Variants in CUL4B observed in about 807,000 individuals in gnomAD.
The protein encoded by CUL4B is cullin 4B.
CUL4B carries 1 observed loss-of-function variant against 69.2 expected under a neutral mutation model. The ratio of observed to expected loss-of-function variants is 0.01; its 90% confidence interval spans 0.01 to 0.07. The LOEUF is 0.07. CUL4B is among the 10% of genes least tolerant of loss of function. CUL4B has a pLI of 1.00. For missense variants in CUL4B, 328 were observed against 638.8 expected (o/e 0.51, Z 5.24); for synonymous variants, 237 against 223.2 (o/e 1.06, Z -0.55).
intron 2 of CUL4B, among the ~76,000 whole-genome samples, chrX:120,555,361 C>G (rs991900609): frequency 1.3e-4 from 14 of 111,665 alleles, no homozygotes; most frequent in African/African-American, 4.6e-4. Flanking sequence ...ACCAGCATAT[C>G]CAAATAAACA....
chrX:120,534,646 C>T, intron 16 of CUL4B, 60 bp from the exon 17 acceptor site: 1 of 766,964 alleles, frequency 1.3e-6, no homozygotes, highest in South Asian at 2.1e-5. Context: ...AAAAATTAAT[C>T]ATCTCTTATA....
At chrX:120,548,685 T>G (rs777009193) in intron 2 of CUL4B, among the ~76,000 whole-genome samples, 1 of 109,271 alleles carries the variant, frequency 9.2e-6, no homozygotes, top group Non-Finnish European at 1.9e-5. Context: ...AATACAAAAA[T>G]TAGCCGGACA....
chrX:120,541,148 G>A (rs957370857), intron 10 of CUL4B, among the ~76,000 whole-genome samples: 1 of 112,338 alleles, frequency 8.9e-6, no homozygotes. Flanking sequence ...ACCATTCTCA[G>A]GTTGACTGTT....
In CUL4B at chrX:120,526,704, A is replaced by T; in HGVS notation, c.*57T>A. ...AGGAGTCAAATAATATTGAATCAACAGGTTAGTTTATCCACTGGCTACTGC... is the reference window on the plus strand; with the variant it reads ...AGGAGTCAAATAATATTGAATCAACTGGTTAGTTTATCCACTGGCTACTGC... On this transcript the variant is annotated 3_prime_UTR_variant, in exon 20 of 20. Transcript: ENST00000371322. 1.4e-6 allele frequency: 1 copy of T among 731,828 alleles called. No homozygotes were observed. Among genetic ancestry groups the T allele is most frequent in the Non-Finnish European group, 2.1e-6 (1 of 468,209 alleles). The allele number at this position is 731,828 out of a possible 1,213,427, so 60.3% of individuals were successfully genotyped here.
Position 120,540,569 on chromosome X carries a change from C to CA in CUL4B, c.1444-8dup. The CA allele has an allele frequency of 8.6e-7, 1 of 1,163,460 alleles. No individual in the cohort carries two copies. Among genetic ancestry groups the CA allele is most frequent in the Admixed American group, 2.2e-5 (1 of 44,624 alleles). ...CAATAGTGCTGCCAAATGCCTAAAA[C>CA]AAAAAATTACCACTTTTTACTGTAA... is the stretch of plus-strand genomic sequence containing the variant. On this transcript the variant is annotated splice_region_variant and splice_polypyrimidine_tract_variant and intron_variant, in intron 10 of 19. Transcript: ENST00000371322.
Position 120,560,666 on chromosome X carries a change from A to T in CUL4B, c.-28T>A. 2.5e-6 allele frequency: 3 copies of T among 1,195,916 alleles called. No homozygotes were observed. The highest frequency in any genetic ancestry group is 2.2e-6 in the Non-Finnish European group (2 of 893,515). On this transcript the variant is annotated 5_prime_UTR_variant, in exon 1 of 20. Coordinates refer to ENST00000371322, the MANE Select transcript of CUL4B (RefSeq NM_001079872.2). ...AAATAGCGGGGTCAACAGGCAGAGG[A>T]GCATCAAAAACCTACGTTTATATGC...
chrX:120,563,391 C>T (rs147988164), upstream of CUL4B, among the ~76,000 whole-genome samples: 608 of 111,408 alleles, frequency 5.5e-3, 3 homozygotes, highest in African/African-American at 0.019. Flanking sequence ...TGTATCACTA[C>T]GCCTGCTAAT....
intron 15 of CUL4B, 135 bp downstream of exon 15, chrX:120,536,792 T>G (rs1923700481): frequency 2.1e-6 from 1 of 483,642 alleles, no homozygotes; most frequent in Non-Finnish European, 3.6e-6. Flanking sequence ...AGCCCAAGAG[T>G]TCAAGACCAG....
chrX:120,560,394 G>A lies in CUL4B; in HGVS notation c.245C>T (p.Ser82Phe). The A allele has an allele frequency of 1.7e-6, 2 of 1,208,602 alleles. No homozygotes were observed. The highest frequency in any genetic ancestry group is 2.2e-6 in the Non-Finnish European group (2 of 893,500). ...PRDSASPSTS[S>F]FCLGVSVAAS... ...AGCCACTGAAACCCCCAGGCAGAAG[G>A]ACGAGGTTGAAGGGGATGCCGAATC... The change falls in exon 1 of 20, where the codon TCC (serine) becomes TTC (phenylalanine). Residue 82 changes from serine (S) to phenylalanine (F), a missense_variant. Around this residue, in one of 4 missense-constraint regions of CUL4B, gnomAD observed 102 missense variants for 122.1 expected, o/e 0.84. Transcript: ENST00000371322.
At position 120,560,705 on chromosome X, in the gene CUL4B, G is replaced by A. The variant is rs776907324; in HGVS notation, c.-67C>T. 5.1e-6 allele frequency: 6 copies of A among 1,170,108 alleles called. No homozygotes were observed. The highest frequency in any genetic ancestry group is 6.8e-6 in the Non-Finnish European group (6 of 878,611). On this transcript the variant is annotated 5_prime_UTR_variant, in exon 1 of 20. Coordinates refer to ENST00000371322, the MANE Select transcript of CUL4B (RefSeq NM_001079872.2). ...ACGTTTATATGCCTGCGTGCGTGTAGGAGAGAAGGTAGCAATGCTAGAGGG... is the reference window on the plus strand; with the variant it reads ...ACGTTTATATGCCTGCGTGCGTGTAAGAGAGAAGGTAGCAATGCTAGAGGG...
chrX:120,541,782 G>C, intron 9 of CUL4B, 62 bp from the exon 10 acceptor site: 1 of 710,674 alleles, frequency 1.4e-6, no homozygotes, highest in Non-Finnish European at 2.3e-6. Flanking sequence ...AAGATTATCA[G>C]ACATTTTAAT....
intron 6 of CUL4B, 53 bp from the exon 7 acceptor site, chrX:120,544,256 A>G (rs905006914): frequency 2.0e-5 from 18 of 883,092 alleles, no homozygotes; most frequent in Non-Finnish European, 2.8e-5. Context: ...TATTTACTAA[A>G]TGTCCTCTAT....
chrX:120,554,351 C>T (rs1490434962), intron 2 of CUL4B, among the ~76,000 whole-genome samples: 1 of 111,883 alleles, frequency 8.9e-6, no homozygotes. Context: ...GGCTGGACAG[C>T]TCAAAAGTCA....
At chrX:120,550,460 G>GAGGCCCCTAACCC in intron 2 of CUL4B, among the ~76,000 whole-genome samples, 1 of 111,597 alleles carries the variant, frequency 9.0e-6, no homozygotes, top group Admixed American at 9.6e-5. Context: ...GCAGAGAGAT[G>GAGGCCCCTAACCC]AGGCCCCTAA....
At chrX:120,530,942 T>A (rs750308553) in intron 18 of CUL4B, among the ~76,000 whole-genome samples, 1 of 111,947 alleles carries the variant, frequency 8.9e-6, no homozygotes, top group Non-Finnish European at 1.9e-5. Flanking sequence ...AGTAAGGACA[T>A]GGTAATCCTT....
At position 120,535,817 on chromosome X, in the gene CUL4B, A is replaced by G. The variant is rs763261887; in HGVS notation, c.2160+13T>C. On this transcript the variant is annotated intron_variant, in intron 16 of 19. Coordinates refer to ENST00000371322, the MANE Select transcript of CUL4B (RefSeq NM_001079872.2). ...AAAGATGAAAACTAAAAGTTTTGGG[A>G]ACATCCACTTACCTCTTTAAATTCT... 3 of 1,082,529 alleles carry G rather than the reference A, an allele frequency of 2.8e-6. No homozygotes were observed. Among genetic ancestry groups the G allele is most frequent in the Non-Finnish European group, 2.6e-6 (2 of 777,951 alleles). 89.2% of individuals were successfully genotyped at this position (1,082,529 alleles called of 1,213,427 possible).
chrX:120,572,342 A>G (rs1225659399), intron 2 of CUL4B, among the ~76,000 whole-genome samples: 1 of 108,075 alleles, frequency 9.3e-6, no homozygotes, highest in Admixed American at 1.0e-4. Context: ...GCGCATGCCT[A>G]TAATCCCAGC....
At chrX:120,569,260 T>C (rs1175628128), downstream of CUL4B, among the ~76,000 whole-genome samples, 3 of 111,841 alleles carry the variant, frequency 2.7e-5, no homozygotes, top group African/African-American at 9.8e-5. Flanking sequence ...TCCCTTAGTA[T>C]ACAAAGACAA....
chrX:120,546,628 G>C lies in CUL4B; in HGVS notation c.777-12C>G. 8.7e-7 allele frequency: 1 copy of C among 1,144,364 alleles called. No individual in the cohort carries two copies. 94.3% of individuals were successfully genotyped at this position (1,144,364 alleles called of 1,213,427 possible). On this transcript the variant is annotated splice_polypyrimidine_tract_variant and intron_variant, in intron 3 of 19. Transcript: ENST00000371322. Reference sequence around the variant, plus strand: ...TATCCAATGAATCCCTGAAACATATGTTAAGGATATTTTAAAGCGTTTGGT... The same window carrying C: ...TATCCAATGAATCCCTGAAACATATCTTAAGGATATTTTAAAGCGTTTGGT...
Sources: gnomAD v4.1 joint callset for allele counts (sites outside exome capture counted in the v4.1 genomes callset) on GRCh38, gnomAD v4.1.1 for gene constraint, gnomAD v4.1.1 regional missense constraint, MANE v1.5 for transcripts, NCBI Gene and HGNC (gene_info 2026-07-23, HGNC 2026-07-21) for gene names.